SLC30A9: variants seen among roughly 807,000 people sequenced by gnomAD.
SLC30A9 encodes solute carrier family 30 member 9, also known as proton-coupled zinc antiporter SLC30A9, mitochondrial.
SLC30A9 carries 58 observed loss-of-function variants against 87.5 expected under a neutral mutation model. The observed-to-expected ratio is 0.66, with a 90% CI of 0.54 to 0.82. The LOEUF (loss-of-function observed/expected upper bound fraction) is 0.82. SLC30A9 is among the 40% of genes least tolerant of loss of function. The probability of loss-of-function intolerance (pLI) is 0.00; values close to 1 mark genes in which losing one functional copy is unlikely to be tolerated. For synonymous variants in SLC30A9, 234 were observed against 233.0 expected (o/e 1.00, Z -0.04); for missense variants, 557 against 679.1 (o/e 0.82, Z 2.00).
chr4:42,010,588 A>T (rs1002736134), intron 2 of SLC30A9, among the ~76,000 whole-genome samples: 4 of 152,234 alleles, frequency 2.6e-5, no homozygotes, highest in African/African-American at 7.2e-5. Context: ...TACCTGTAAA[A>T]TATTTTGCTT....
intron 6 of SLC30A9, chr4:42,029,307 T>G (rs553747927): frequency 4.0e-6 from 2 of 502,654 alleles, no homozygotes; most frequent in Admixed American, 2.4e-5. Flanking sequence ...GCAGTTGGTT[T>G]AAGATCATTC....
chr4:42,013,102 G>A (rs370070198), intron 2 of SLC30A9, among the ~76,000 whole-genome samples: 230 of 151,974 alleles, frequency 1.5e-3, no homozygotes, highest in African/African-American at 5.3e-3. Flanking sequence ...GCAACATAGT[G>A]AGACTTCATC....
rs369053502 is a variant in SLC30A9, at chr4:42,022,939, A to G, written c.527+9A>G. ...TCAGATGTGGAAGCAAAGTAAGAAC[A>G]TAGTTCTTTCAGAATAAAAGTGCAA... On this transcript the variant is annotated intron_variant, in intron 5 of 17. Transcript: ENST00000264451. 2.4e-5 allele frequency: 35 copies of G among 1,469,234 alleles called. No individual in the cohort carries two copies. The African/African-American group carries it at 4.5e-4, about 19-fold the overall frequency. The allele number at this position is 1,469,234 out of a possible 1,614,324, so 91.0% of individuals were successfully genotyped here. A position where few individuals can be genotyped will look rare whatever the true frequency, so the allele number is the denominator to read the frequency against.
intron 9 of SLC30A9, among the ~76,000 whole-genome samples, chr4:42,057,694 C>T (rs1717676468): frequency 1.3e-5 from 2 of 152,174 alleles, no homozygotes; most frequent in Admixed American, 1.3e-4. Flanking sequence ...TTCCTCATTA[C>T]TTATGCAAAT....
At chr4:42,011,764 T>C (rs997171361) in intron 2 of SLC30A9, among the ~76,000 whole-genome samples, 1 of 152,246 alleles carries the variant, frequency 6.6e-6, no homozygotes, top group Non-Finnish European at 1.5e-5. Context: ...AGGACTCATA[T>C]TCATTAAAAA....
intron 1 of SLC30A9, among the ~76,000 whole-genome samples, chr4:41,996,127 G>T (rs554724330): frequency 5.3e-5 from 8 of 151,884 alleles, no homozygotes; most frequent in Admixed American, 4.6e-4. Flanking sequence ...ATGGAGTTTT[G>T]CTCTTGTTTC....
chr4:42,065,079 T>C (rs1718026781), intron 11 of SLC30A9, among the ~76,000 whole-genome samples: 1 of 152,206 alleles, frequency 6.6e-6, no homozygotes. Context: ...ATCCAGAAGT[T>C]ACTTGAGTTT....
chr4:42,063,125 A>G lies in SLC30A9; in HGVS notation c.1032+4A>G. 6.2e-7 allele frequency: 1 copy of G among 1,612,130 alleles called. No homozygotes were observed. The highest frequency in any genetic ancestry group is 8.5e-7 in the Non-Finnish European group (1 of 1,179,254). ...ACCAATAGAATCCCTTCTATGGGTA[A>G]TCCTCTTTTTTTCTCCTCAGTTTTG... On this transcript the variant is annotated splice_donor_region_variant and intron_variant, in intron 11 of 17. Transcript: ENST00000264451.
At chr4:41,991,634 C>G (rs960944824) in intron 1 of SLC30A9, among the ~76,000 whole-genome samples, 4 of 152,106 alleles carry the variant, frequency 2.6e-5, no homozygotes, top group African/African-American at 9.7e-5. Context: ...CATTCATGTT[C>G]GAAGCCAGGT....
At chr4:42,084,383 C>T (rs1281808314) in intron 17 of SLC30A9, among the ~76,000 whole-genome samples, 2 of 152,154 alleles carry the variant, frequency 1.3e-5, no homozygotes, top group African/African-American at 2.4e-5. Context: ...TCTGTCCTCC[C>T]TTCTCACAGT....
At chr4:42,042,268 A>G (rs1020731479) in intron 8 of SLC30A9, among the ~76,000 whole-genome samples, 2 of 152,202 alleles carry the variant, frequency 1.3e-5, no homozygotes, top group Non-Finnish European at 2.9e-5. Context: ...CTAGCTCAGC[A>G]GATCCCACCT....
At chr4:42,006,145 G>A (rs1715192225) in intron 2 of SLC30A9, among the ~76,000 whole-genome samples, 1 of 152,178 alleles carries the variant, frequency 6.6e-6, no homozygotes, top group Admixed American at 6.5e-5. Context: ...AAGTACATGG[G>A]AGGATGTGCA....
intron 14 of SLC30A9, among the ~76,000 whole-genome samples, chr4:42,067,413 G>A (rs559091286): frequency 6.6e-6 from 1 of 152,274 alleles, no homozygotes; most frequent in South Asian, 2.1e-4. Context: ...AAGGCTATTT[G>A]TAAAGGATTT....
At position 42,038,633 on chromosome 4, in the gene SLC30A9, C is replaced by T. The variant is rs189605856; in HGVS notation, c.670-353C>T. ...CCTTCTCTTAGCTCTGAAGGCAGGT[C>T]AATACAGAATTTTGGGTGTCTGATT... On this transcript the variant is annotated intron_variant, in intron 7 of 17. Coordinates refer to ENST00000264451, the MANE Select transcript of SLC30A9 (RefSeq NM_006345.4). Among the ~76,000 whole-genome samples the T allele has an allele frequency of 3.3e-5, 5 of 152,254 alleles. No individual in the cohort carries two copies. The East Asian group carries it at 9.6e-4, about 29-fold the overall frequency.
chr4:42,034,512 G>C (rs1716597403), intron 6 of SLC30A9, among the ~76,000 whole-genome samples: 1 of 151,688 alleles, frequency 6.6e-6, no homozygotes, highest in African/African-American at 2.4e-5. Flanking sequence ...CATATAAGTG[G>C]AGTCATACAG....
At chr4:42,039,753 G>T (rs558871378) in intron 8 of SLC30A9, among the ~76,000 whole-genome samples, 1 of 152,080 alleles carries the variant, frequency 6.6e-6, no homozygotes, top group African/African-American at 2.4e-5. Context: ...GAGCCACTGA[G>T]CCCGGCCTTG....
chr4:41,998,462 C>CTTT (rs34295020), intron 1 of SLC30A9, among the ~76,000 whole-genome samples: 145 of 144,846 alleles, frequency 1.0e-3, no homozygotes, highest in East Asian at 4.0e-3. Context: ...TTCAGTAATT[C>CTTT]TTTTTTTTTG....
At chr4:42,062,183 A>G (rs543955998) in intron 10 of SLC30A9, among the ~76,000 whole-genome samples, 1 of 149,372 alleles carries the variant, frequency 6.7e-6, no homozygotes, top group African/African-American at 2.5e-5. Flanking sequence ...AACGAGCAAA[A>G]CTCCGTCTCA....
At chr4:42,017,828 C>T (rs996836320) in intron 2 of SLC30A9, among the ~76,000 whole-genome samples, 1 of 151,980 alleles carries the variant, frequency 6.6e-6, no homozygotes, top group African/African-American at 2.4e-5. Flanking sequence ...CCTATTTGTC[C>T]TAATTTTCTA....
Sources: gnomAD v4.1 joint callset for allele counts (sites outside exome capture counted in the v4.1 genomes callset) on GRCh38, gnomAD v4.1.1 for gene constraint, MANE v1.5 for transcripts, NCBI Gene and HGNC (gene_info 2026-07-23, HGNC 2026-07-21) for gene names.